Variants in KPNA7 observed in about 807,000 individuals in gnomAD.
KPNA7 encodes karyopherin subunit alpha 7.
KPNA7 carries 54 observed loss-of-function variants against 53.7 expected under a neutral mutation model. The observed-to-expected ratio is 1.01, with a 90% CI of 0.81 to 1.26. KPNA7 has a LOEUF of 1.26. KPNA7 is among the 50% of genes most tolerant of loss of function. KPNA7 has a pLI of 0.00. For synonymous variants in KPNA7, 276 were observed against 259.3 expected (o/e 1.06, Z -0.62); for missense variants, 640 against 644.5 (o/e 0.99, Z 0.07).
At chr7:99,174,418 A>G (rs1212599049) in intron 10 of KPNA7, among the ~76,000 whole-genome samples, 1 of 152,146 alleles carries the variant, frequency 6.6e-6, no homozygotes, top group Non-Finnish European at 1.5e-5. Context: ...AATAAATGTA[A>G]TGCTCTTGAA....
intron 6 of KPNA7, among the ~76,000 whole-genome samples, chr7:99,191,390 G>A (rs1386765824): frequency 3.9e-5 from 6 of 151,988 alleles, no homozygotes; most frequent in East Asian, 1.9e-4. Flanking sequence ...TCTTGACCTC[G>A]TGATCTGCCC....
chr7:99,212,230 GTCCT>G (rs1791092890), upstream of KPNA7, among the ~76,000 whole-genome samples: 4 of 130,578 alleles, frequency 3.1e-5, no homozygotes. Context: ...ATCCACATGT[GTCCT>G]TTTTTTTTTT....
chr7:99,166,202 A>C, the KPNA7 span, among the ~76,000 whole-genome samples: 4 of 152,160 alleles, frequency 2.6e-5, no homozygotes, highest in East Asian at 1.9e-4. Context: ...AGCAATGCCA[A>C]AACAGACTAA....
rs549995869 is a variant in KPNA7, at chr7:99,183,586, G to A, written c.1134+1343C>T. Among the ~76,000 whole-genome samples the A allele has an allele frequency of 2.0e-5, 3 of 152,178 alleles. No homozygotes were observed. The East Asian group carries it at 5.8e-4, about 29-fold the overall frequency. ...ATGCTATAATTTGGGCAACACACCTGGTCTTTCTCTCTTGCCTAGCTTGTC... is the reference window on the plus strand; with the variant it reads ...ATGCTATAATTTGGGCAACACACCTAGTCTTTCTCTCTTGCCTAGCTTGTC... On this transcript the variant is annotated intron_variant, in intron 8 of 10. Coordinates refer to ENST00000327442, the MANE Select transcript of KPNA7 (RefSeq NM_001145715.3).
At chr7:99,209,681 T>A (rs1584322587), upstream of KPNA7, among the ~76,000 whole-genome samples, 3 of 17,834 alleles carry the variant, frequency 1.7e-4, no homozygotes, top group South Asian at 2.9e-3. Flanking sequence ...AGACTCCAAC[T>A]CAAAAAAAAA....
chr7:99,203,060 TAAG>T, intron 3 of KPNA7, 43 bp downstream of exon 3: 1 of 1,538,250 alleles, frequency 6.5e-7, no homozygotes, highest in Non-Finnish European at 8.8e-7. Flanking sequence ...AGACACTTGC[TAAG>T]AACATATTTT....
At chr7:99,173,079 A>AAAG (rs1554459173), downstream of KPNA7, among the ~76,000 whole-genome samples, 23 of 150,758 alleles carry the variant, frequency 1.5e-4, no homozygotes, top group African/African-American at 5.1e-4. Context: ...AAAAAAAAAA[A>AAAG]AAAAAGAAAA....
chr7:99,181,037 GTCTC>G (rs1220842120), intron 9 of KPNA7, among the ~76,000 whole-genome samples: 1 of 65,310 alleles, frequency 1.5e-5, no homozygotes, highest in African/African-American at 7.9e-5. Flanking sequence ...CTCTGTGTGT[GTCTC>G]TCTCTCTCTC....
At chr7:99,158,897 C>T in the KPNA7 span, among the ~76,000 whole-genome samples, 1 of 151,888 alleles carries the variant, frequency 6.6e-6, no homozygotes, top group Non-Finnish European at 1.5e-5. Context: ...GGGAGTCTAG[C>T]TCTGTCACCC....
chr7:99,183,623 A>T (rs1028339968), intron 8 of KPNA7, among the ~76,000 whole-genome samples: 1 of 152,108 alleles, frequency 6.6e-6, no homozygotes, highest in African/African-American at 2.4e-5. Flanking sequence ...TACCTGGTGC[A>T]TCCTGGGAAC....
intron 8 of KPNA7, among the ~76,000 whole-genome samples, chr7:99,183,083 C>G (rs1789359317): frequency 6.6e-6 from 1 of 152,052 alleles, no homozygotes; most frequent in African/African-American, 2.4e-5. Context: ...TGGTGAAACC[C>G]TGTCTCTATT....
intron 10 of KPNA7, among the ~76,000 whole-genome samples, chr7:99,175,689 T>A (rs921278776): frequency 2.6e-5 from 4 of 151,664 alleles, no homozygotes; most frequent in African/African-American, 9.7e-5. Context: ...TAATTTTGTA[T>A]TTTTAGTAGA....
At chr7:99,195,760 C>A (rs1790196899) in intron 4 of KPNA7, among the ~76,000 whole-genome samples, 1 of 152,140 alleles carries the variant, frequency 6.6e-6, no homozygotes, top group South Asian at 2.1e-4. Flanking sequence ...GCCGGAGCTA[C>A]TTAAGATCCT....
rs181595434 is a variant in KPNA7, at chr7:99,215,100, G to A, written c.-23-7611C>T. On this transcript the variant is annotated intron_variant, in intron 1 of 10. Transcript: ENST00000681060. Reference sequence around the variant, plus strand: ...AAGCCATGGCTATTAGAAACTCGGCGCGGTGGCTCATGCCTGTAATTCCAG... The same window carrying A: ...AAGCCATGGCTATTAGAAACTCGGCACGGTGGCTCATGCCTGTAATTCCAG... Among the ~76,000 whole-genome samples, 196 of 152,040 alleles carry A rather than the reference G, an allele frequency of 1.3e-3. 1 individual carries two copies. Among genetic ancestry groups the A allele is most frequent in the Non-Finnish European group, 1.2e-3 (79 of 67,970 alleles).
rs2150769703 is a variant in KPNA7, at chr7:99,203,258, T to C, written c.67-18A>G. The C allele has an allele frequency of 1.9e-6, 3 of 1,548,134 alleles. No individual in the cohort carries two copies. Among genetic ancestry groups the C allele is most frequent in the Non-Finnish European group, 2.6e-6 (3 of 1,144,002 alleles). ...CGCCTCAGCTAGTGAGGAAAAGAAA[T>C]TGGAGCATTTAGAACCAGGAGTGGG... On this transcript the variant is annotated intron_variant, in intron 2 of 10. Transcript: ENST00000327442.
intron 3 of KPNA7, among the ~76,000 whole-genome samples, chr7:99,197,234 CTAAT>C (rs1473027526): frequency 6.6e-6 from 1 of 152,140 alleles, no homozygotes; most frequent in African/African-American, 2.4e-5. Context: ...AAATAAGTCT[CTAAT>C]TATTAGTTGA....
intron 9 of KPNA7, among the ~76,000 whole-genome samples, chr7:99,181,539 G>T (rs1799273263): frequency 1.3e-5 from 2 of 152,200 alleles, no homozygotes; most frequent in South Asian, 4.1e-4. Flanking sequence ...TGGGGGAAGA[G>T]AAATAATCCA....
At chr7:99,196,990 T>C (rs1156699810) in intron 3 of KPNA7, among the ~76,000 whole-genome samples, 6 of 151,890 alleles carry the variant, frequency 4.0e-5, no homozygotes, top group African/African-American at 1.5e-4. Flanking sequence ...TGAAAGGGAA[T>C]GTCATGTATA....
At chr7:99,159,357 A>C in the KPNA7 span, among the ~76,000 whole-genome samples, 1 of 151,092 alleles carries the variant, frequency 6.6e-6, no homozygotes. Context: ...TCAAAAAAAA[A>C]AAAAAAAAAA....
Sources: gnomAD v4.1 joint callset for allele counts (sites outside exome capture counted in the v4.1 genomes callset) on GRCh38, gnomAD v4.1.1 for gene constraint, MANE v1.5 for transcripts, NCBI Gene and HGNC (gene_info 2026-07-23, HGNC 2026-07-21) for gene names.